Variants in ALK observed in about 807,000 individuals in gnomAD.
ALK encodes the protein ALK tyrosine kinase receptor.
In ALK, 74 loss-of-function variants were observed where a neutral mutation model predicts 163.1. The ratio of observed to expected loss-of-function variants is 0.45; its 90% confidence interval spans 0.38 to 0.55. ALK has a LOEUF of 0.55. Ranked by LOEUF, ALK falls within the 20% of genes least tolerant of loss-of-function variation. The probability of loss-of-function intolerance (pLI) is 0.00; values close to 1 mark genes in which losing one functional copy is unlikely to be tolerated. For synonymous variants in ALK, 960 were observed against 843.2 expected, an observed-to-expected ratio of 1.14 and a Z score of -2.40; for missense variants, 2,063 against 2,105.3, an observed-to-expected ratio of 0.98 and a Z score of 0.39.
chr2:29,755,958 C>T (rs1680512461), intron 1 of ALK, among the ~76,000 whole-genome samples: 1 of 152,222 alleles, frequency 6.6e-6, no homozygotes, highest in Non-Finnish European at 1.5e-5. Context: ...TAAGTACATG[C>T]AAGGAGGCTG....
At chr2:29,333,966 C>A (rs1667532910) in intron 5 of ALK, among the ~76,000 whole-genome samples, 1 of 152,228 alleles carries the variant, frequency 6.6e-6, no homozygotes, top group Admixed American at 6.5e-5. Context: ...ATTTCCTCTT[C>A]TGTATGGATG....
At chr2:29,232,236 G>A (rs1488675105) in intron 15 of ALK, 68 bp downstream of exon 15, 39 of 1,602,610 alleles carry the variant, frequency 2.4e-5, no homozygotes, top group Non-Finnish European at 3.2e-5. Context: ...TCAGGCATGC[G>A]ATGGCATCGG....
chr2:29,858,721 C>T (rs1426811857), intron 1 of ALK, among the ~76,000 whole-genome samples: 6 of 151,496 alleles, frequency 4.0e-5, no homozygotes, highest in South Asian at 4.2e-4. Flanking sequence ...CCAGCCTGGG[C>T]GACAGAGCAA....
At chr2:29,275,971 G>A (rs952448102) in intron 9 of ALK, among the ~76,000 whole-genome samples, 2 of 152,260 alleles carry the variant, frequency 1.3e-5, no homozygotes, top group Non-Finnish European at 2.9e-5. Flanking sequence ...TCAGCCAGTG[G>A]GGCTTAAGTC....
intron 1 of ALK, among the ~76,000 whole-genome samples, chr2:29,798,412 T>C (rs1163303305): frequency 6.6e-6 from 1 of 152,228 alleles, no homozygotes; most frequent in Admixed American, 6.5e-5. Flanking sequence ...TGGAAACTGG[T>C]GATTTCAAAT....
At chr2:29,690,059 G>T (rs1051656085) in intron 3 of ALK, among the ~76,000 whole-genome samples, 3 of 152,208 alleles carry the variant, frequency 2.0e-5, no homozygotes, top group African/African-American at 7.2e-5. Context: ...CATCCGGTTT[G>T]TAAGAATTTG....
chr2:29,268,509 C>A (rs1200737495), intron 11 of ALK, among the ~76,000 whole-genome samples: 3 of 152,124 alleles, frequency 2.0e-5, no homozygotes, highest in Non-Finnish European at 4.4e-5. Context: ...AGCCTCAGAG[C>A]CCCAGGCCCC....
chr2:29,717,338 T>C (rs1315447245), intron 2 of ALK, among the ~76,000 whole-genome samples: 2 of 152,048 alleles, frequency 1.3e-5, no homozygotes, highest in African/African-American at 4.8e-5. Flanking sequence ...GCAGGAGGGA[T>C]ATGGCAGACA....
Position 29,694,085 on chromosome 2 carries a change from T to C in ALK, c.952+765A>G, listed in dbSNP as rs1328220367. Among the ~76,000 whole-genome samples the C allele has an allele frequency of 2.0e-5, 3 of 152,210 alleles. No homozygotes were observed. The East Asian group carries it at 5.8e-4, about 29-fold the overall frequency. On this transcript the variant is annotated intron_variant, in intron 3 of 28. Transcript: ENST00000389048. The stretch of plus-strand genomic sequence containing the variant: ...AGTAGAGTTTTCTAGGTCCAAGACA[T>C]TGGGAGTCCCAAGATTTGGCTTGGT...
At chr2:29,866,071 T>C (rs1431498339) in intron 1 of ALK, among the ~76,000 whole-genome samples, 1 of 152,160 alleles carries the variant, frequency 6.6e-6, no homozygotes, top group Non-Finnish European at 1.5e-5. Flanking sequence ...CCACTGTTCC[T>C]AGAACAACAG....
At chr2:29,677,620 C>G (rs1677925393) in intron 3 of ALK, among the ~76,000 whole-genome samples, 2 of 151,982 alleles carry the variant, frequency 1.3e-5, no homozygotes, top group Non-Finnish European at 2.9e-5. Flanking sequence ...CCTTGCAATC[C>G]TAAATAAATT....
Position 29,875,025 on chromosome 2 carries a change from C to CA in ALK, c.667+44967dup, listed in dbSNP as rs573100788. ...TCCGGCAATTCCACTCCTAGGTACA[C>CA]ACTCAAAAGAATTGAAAGCAAAGGC... On this transcript the variant is annotated intron_variant, in intron 1 of 28. Coordinates refer to ENST00000389048, the MANE Select transcript of ALK (RefSeq NM_004304.5). Among the ~76,000 whole-genome samples, 34 of 152,312 alleles carry CA rather than the reference C, an allele frequency of 2.2e-4. No individual in the cohort carries two copies. The South Asian group carries it at 6.8e-3, about 31-fold the overall frequency.
At chr2:29,917,971 C>A (rs919632218) in intron 1 of ALK, among the ~76,000 whole-genome samples, 1 of 152,188 alleles carries the variant, frequency 6.6e-6, no homozygotes, top group Non-Finnish European at 1.5e-5. Flanking sequence ...TGAGGGAGGG[C>A]TTGGGATGCC....
chr2:29,506,535 G>A (rs58717911), intron 4 of ALK, among the ~76,000 whole-genome samples: 23,681 of 151,870 alleles, frequency 0.16, 2,505 homozygotes, highest in African/African-American at 0.3. Flanking sequence ...TCATGAGGTC[G>A]GGAGATTGAG....
At chr2:29,589,940 C>T (rs1195170359) in intron 3 of ALK, among the ~76,000 whole-genome samples, 3 of 152,152 alleles carry the variant, frequency 2.0e-5, no homozygotes, top group Admixed American at 2.0e-4. Context: ...TGTCAAATTG[C>T]CATTCTAAAA....
chr2:29,200,761 GTATATATATACGTATATA>G (rs1558608715), intron 26 of ALK, among the ~76,000 whole-genome samples: 3 of 10,466 alleles, frequency 2.9e-4, no homozygotes, highest in African/African-American at 1.5e-3. Flanking sequence ...ACGTATATAT[GTATATATATACGTATATA>G]TATGTATATA....
intron 4 of ALK, among the ~76,000 whole-genome samples, chr2:29,403,053 C>T (rs1669488001): frequency 6.6e-6 from 1 of 152,150 alleles, no homozygotes; most frequent in Admixed American, 6.5e-5. Context: ...TTTAGTCTGT[C>T]ATCTGTGAAG....
intron 1 of ALK, among the ~76,000 whole-genome samples, chr2:29,863,159 C>T (rs1429465413): frequency 1.3e-5 from 2 of 152,066 alleles, no homozygotes; most frequent in Non-Finnish European, 2.9e-5. Context: ...ACTGTAAAAC[C>T]ACAAGAAGAA....
At chr2:29,339,094 T>G (rs1667712955) in intron 5 of ALK, among the ~76,000 whole-genome samples, 2 of 152,086 alleles carry the variant, frequency 1.3e-5, no homozygotes, top group Non-Finnish European at 2.9e-5. Context: ...AATACAATAA[T>G]TAGCCAGATG....
Sources: gnomAD v4.1 joint callset for allele counts (sites outside exome capture counted in the v4.1 genomes callset) on GRCh38, gnomAD v4.1.1 for gene constraint, MANE v1.5 for transcripts, NCBI Gene and HGNC (gene_info 2026-07-23, HGNC 2026-07-21) for gene names.